COL4A6: variants seen among roughly 807,000 people sequenced by gnomAD.
The protein encoded by COL4A6 is collagen type IV alpha 6 chain.
In COL4A6, 59 loss-of-function variants were observed where a neutral mutation model predicts 126.7. That is an observed-to-expected ratio of 0.47 (90% CI 0.38 to 0.58). The LOEUF is 0.58. COL4A6 is among the 20% of genes least tolerant of loss of function. The pLI, the probability that COL4A6 is intolerant of heterozygous loss-of-function variation, is 0.00. For missense variants in COL4A6, 1,285 were observed against 1,337.3 expected, an observed-to-expected ratio of 0.96 and a Z score of 0.61; for synonymous variants, 547 against 496.6, an observed-to-expected ratio of 1.10 and a Z score of -1.35.
intron 3 of COL4A6, among the ~76,000 whole-genome samples, chrX:108,224,336 AAATTCT>A (rs1174044637): frequency 1.8e-5 from 2 of 112,172 alleles, no homozygotes; most frequent in African/African-American, 6.5e-5. Flanking sequence ...TATATTTTTT[AAATTCT>A]AATTCTTTTT....
rs1484200222 is a variant in COL4A6 at position 108,175,716 on chromosome X, C to G, written c.2768G>C (p.Gly923Ala). Residue 923 changes from glycine to alanine, a missense_variant, in exon 29 of 45, where the codon GGA becomes GCA. Coordinates refer to ENST00000334504, the MANE Select transcript of COL4A6 (RefSeq NM_033641.4). ...CATTTTTCCAGTTGATCCTGGAATT[C>G]CTTTTAATCCTCTTGTTCCAGGAAT... ...PGIPGTRGLKGIPGSTGKMGP... is the reference protein window; with the variant it reads ...PGIPGTRGLKAIPGSTGKMGP... The G allele has an allele frequency of 8.3e-7, 1 of 1,198,163 alleles. No homozygotes were observed.
At chrX:108,284,605 C>T (rs966502419) in intron 3 of COL4A6, among the ~76,000 whole-genome samples, 10 of 112,075 alleles carry the variant, frequency 8.9e-5, no homozygotes, top group Admixed American at 7.5e-4. Flanking sequence ...TATTTGGATC[C>T]AGACACTTTA....
intron 2 of COL4A6, among the ~76,000 whole-genome samples, chrX:108,356,312 C>A (rs2039959635): frequency 9.1e-6 from 1 of 109,502 alleles, no homozygotes; most frequent in Admixed American, 9.8e-5. Flanking sequence ...CATATGTACC[C>A]TAAAACTTAA....
intron 13 of COL4A6, among the ~76,000 whole-genome samples, chrX:108,197,130 C>T (rs551732850): frequency 1.8e-5 from 2 of 111,919 alleles, no homozygotes; most frequent in African/African-American, 6.5e-5. Flanking sequence ...GTATTTCTAT[C>T]TAGGCACGGA....
intron 2 of COL4A6, among the ~76,000 whole-genome samples, chrX:108,410,348 A>G (rs1457084276): frequency 8.9e-6 from 1 of 111,814 alleles, no homozygotes; most frequent in Admixed American, 9.5e-5. Context: ...AGGTAAGGGC[A>G]TGTTAAAATA....
rs1056984401 is a variant in COL4A6, at chrX:108,343,204, G to T, written c.64-32376C>A. On this transcript the variant is annotated intron_variant, in intron 2 of 44. Coordinates refer to ENST00000334504, the MANE Select transcript of COL4A6 (RefSeq NM_033641.4). ...TGTGTGTGTGTGTGTGTGTGTGTGT[G>T]TATGTACAAAGGCTGGGAGTTGACA... 4.1e-5 allele frequency among the ~76,000 whole-genome samples: 4 copies of T among 97,782 alleles called. No individual in the cohort carries two copies. In the East Asian group the frequency reaches 9.7e-4, roughly 24 times the overall value. 84.9% of individuals were successfully genotyped at this position (97,782 alleles called of 115,157 possible).
At chrX:108,187,733 C>G (rs892211007) in intron 22 of COL4A6, 115 bp downstream of exon 22, 156 of 716,471 alleles carry the variant, frequency 2.2e-4, no homozygotes, top group East Asian at 1.7e-3. Context: ...AGAGGCAGGG[C>G]AAGGTCCTCT....
intron 2 of COL4A6, among the ~76,000 whole-genome samples, chrX:108,357,059 G>C (rs1333943926): frequency 3.6e-5 from 4 of 111,862 alleles, no homozygotes; most frequent in Non-Finnish European, 7.5e-5. Flanking sequence ...TTTCTAGGCT[G>C]TTCTCTATTC....
intron 2 of COL4A6, among the ~76,000 whole-genome samples, chrX:108,423,317 A>C (rs2064016921): frequency 8.9e-6 from 1 of 112,286 alleles, no homozygotes; most frequent in Non-Finnish European, 1.9e-5. Flanking sequence ...GTTCTTAACA[A>C]TAACCCTAAC....
At chrX:108,262,322 G>T (rs926150646) in intron 3 of COL4A6, among the ~76,000 whole-genome samples, 15 of 111,383 alleles carry the variant, frequency 1.3e-4, no homozygotes, top group Non-Finnish European at 1.1e-4. Flanking sequence ...TTGAATTCTT[G>T]CATTAACATG....
chrX:108,183,715 C>T (rs1459239292), intron 23 of COL4A6: 1 of 922,836 alleles, frequency 1.1e-6, no homozygotes, highest in Non-Finnish European at 1.3e-6. Flanking sequence ...ACCTAGCTAG[C>T]TCTCACCTCT....
Position 108,184,678 on chromosome X carries a change from C to T in COL4A6, c.1951+2418G>A, listed in dbSNP as rs763875506. Among the ~76,000 whole-genome samples, 17 of 112,330 alleles carry T rather than the reference C, an allele frequency of 1.5e-4. No homozygotes were observed. In the East Asian group the frequency reaches 4.7e-3, roughly 31 times the overall value. On this transcript the variant is annotated intron_variant, in intron 23 of 44. Transcript: ENST00000334504. ...ATAAACCTCTTTTCTTTGTAAATTA[C>T]CCAGTCTCAGATCTCCTGTTGTAGC...
At chrX:108,214,652 T>C (rs979185605) in intron 5 of COL4A6, among the ~76,000 whole-genome samples, 1 of 112,305 alleles carries the variant, frequency 8.9e-6, no homozygotes, top group African/African-American at 3.2e-5. Context: ...CATTCAGTAT[T>C]GGAAGCTCTG....
At position 108,175,759 on chromosome X, in the gene COL4A6, T is replaced by A. The variant is rs1354747139; in HGVS notation, c.2725A>T (p.Ile909Leu). 8.4e-7 allele frequency: 1 copy of A among 1,195,325 alleles called. No individual in the cohort carries two copies. ...GSVGFVGFPG[I>L]PGLPGIPGTR... ...CCAGGAATACCAGGCAGACCTGGTA[T>A]TCCTGGAAAACCTACGAATCCAACA... Residue 909 changes from isoleucine to leucine, a missense_variant, in exon 29 of 45, where the codon ATA becomes TTA. Ile to Leu is a conservative substitution (Grantham distance 5). Transcript: ENST00000334504.
At chrX:108,284,239 C>T (rs1238119129) in intron 3 of COL4A6, among the ~76,000 whole-genome samples, 1 of 106,099 alleles carries the variant, frequency 9.4e-6, no homozygotes, top group Non-Finnish European at 1.9e-5. Flanking sequence ...CATGTTCTCA[C>T]TCTTAAGTGG....
At chrX:108,339,701 T>C (rs1603118669) in intron 2 of COL4A6, among the ~76,000 whole-genome samples, 4 of 111,312 alleles carry the variant, frequency 3.6e-5, no homozygotes, top group African/African-American at 1.3e-4. Context: ...AGACTTCAGA[T>C]ACTTTACATT....
intron 43 of COL4A6, 114 bp downstream of exon 43, chrX:108,160,349 C>T (rs2033882892): frequency 2.7e-6 from 2 of 748,718 alleles, no homozygotes; most frequent in East Asian, 6.5e-5. Flanking sequence ...AGAGCTGATG[C>T]TTGTAACTCA....
rs774388681 is a variant in COL4A6, at chrX:108,172,532, C to A, written c.3139G>T (p.Gly1047Cys). The A allele has an allele frequency of 3.3e-6, 4 of 1,200,012 alleles. No homozygotes were observed. The highest frequency in any genetic ancestry group is 3.4e-6 in the Non-Finnish European group (3 of 887,983). The change falls in exon 32 of 45, where the codon GGT becomes TGT. Residue 1047 changes from glycine (G) to cysteine (C), a missense_variant and splice_region_variant. Transcript: ENST00000334504. The part of the protein sequence containing the change: ...TGFPGMPGES[G>C]SQGIRGSPGL... ...GGCGACCCTCTGATACCTTGTGAACCCTTCGAAGCAATATGGGAATCATCA... is the reference window on the plus strand; with the variant it reads ...GGCGACCCTCTGATACCTTGTGAACACTTCGAAGCAATATGGGAATCATCA...
At chrX:108,392,739 C>T (rs1270022889) in intron 2 of COL4A6, among the ~76,000 whole-genome samples, 1 of 111,138 alleles carries the variant, frequency 9.0e-6, no homozygotes, top group Non-Finnish European at 1.9e-5. Context: ...TATTAGTGCC[C>T]TTATAAAAGG....
Sources: allele counts gnomAD v4.1 joint callset (sites outside exome capture counted in the v4.1 genomes callset), GRCh38; gene constraint gnomAD v4.1.1; transcripts MANE v1.5; gene names NCBI Gene and HGNC (gene_info 2026-07-23, HGNC 2026-07-21).